The following PRKCE variants were observed in gnomAD, a reference collection of about 807,000 sequenced individuals.
PRKCE encodes protein kinase C epsilon, also known as protein kinase C epsilon type.
In PRKCE, 16 loss-of-function variants were observed where a neutral mutation model predicts 85.4. The observed-to-expected ratio is 0.19, with a 90% CI of 0.13 to 0.28. The LOEUF (loss-of-function observed/expected upper bound fraction) is 0.28. PRKCE is among the 10% of genes least tolerant of loss of function. The pLI is 1.00. For missense variants in PRKCE, 573 were observed against 975.2 expected (o/e 0.59, Z 5.49); for synonymous variants, 388 against 371.5 (o/e 1.04, Z -0.51).
intron 1 of PRKCE, among the ~76,000 whole-genome samples, chr2:45,669,541 C>G (rs905182109): frequency 2.6e-5 from 4 of 152,128 alleles, no homozygotes; most frequent in African/African-American, 4.8e-5. Context: ...ATAGAGAGGT[C>G]CTGGTGCTTG....
At chr2:45,883,644 G>T (rs538995986) in intron 2 of PRKCE, among the ~76,000 whole-genome samples, 2 of 152,330 alleles carry the variant, frequency 1.3e-5, no homozygotes, top group East Asian at 3.9e-4. Flanking sequence ...TCATGCCTGT[G>T]TGGAGAGTGA....
In PRKCE at chr2:46,186,237, A is replaced by G. The variant is rs1320305114; in HGVS notation, c.*1356A>G. On this transcript the variant is annotated 3_prime_UTR_variant, in exon 15 of 15. Transcript: ENST00000306156. ...GTATATGTTTCCCAGAGGTCATTTG[A>G]TTACCTAATTTACTGAACTGATTTA... 3 of 152,532 alleles carry G rather than the reference A, an allele frequency of 2.0e-5. No homozygotes were observed. The allele number at this position is 152,532 out of a possible 1,614,324, so 9.4% of individuals were successfully genotyped here. A position where few individuals can be genotyped will look rare whatever the true frequency, so the allele number is the denominator to read the frequency against.
At position 45,813,496 on chromosome 2, in the gene PRKCE, T is replaced by A. The variant is rs540047068; in HGVS notation, c.349-29504T>A. ...TGTAGTTTGTTATCCCCTTTCCTTC[T>A]GGCCACGTGCCCAGCTCCCTGGCAG... On this transcript the variant is annotated intron_variant, in intron 1 of 14. Transcript: ENST00000306156. Among the ~76,000 whole-genome samples the A allele has an allele frequency of 3.3e-5, 5 of 152,304 alleles. No individual in the cohort carries two copies. The East Asian group carries it at 9.6e-4, about 29-fold the overall frequency.
intron 1 of PRKCE, among the ~76,000 whole-genome samples, chr2:45,738,176 T>C (rs7594134): frequency 0.18 from 27,683 of 152,232 alleles, 4,913 homozygotes; most frequent in African/African-American, 0.47. Flanking sequence ...ACAGTTTTAA[T>C]TATGTTAATT....
At chr2:45,955,357 C>T (rs1366025091) in intron 2 of PRKCE, among the ~76,000 whole-genome samples, 1 of 152,054 alleles carries the variant, frequency 6.6e-6, no homozygotes, top group Non-Finnish European at 1.5e-5. Flanking sequence ...AGGAGACTGA[C>T]CTGGTTGGTG....
chr2:45,883,884 C>T (rs1695058074), intron 2 of PRKCE, among the ~76,000 whole-genome samples: 1 of 152,106 alleles, frequency 6.6e-6, no homozygotes, highest in East Asian at 1.9e-4. Flanking sequence ...GGGGAGAAGT[C>T]CTGGGAATCC....
chr2:45,810,418 A>AACTAATT (rs1558697467), intron 1 of PRKCE, among the ~76,000 whole-genome samples: 1 of 152,236 alleles, frequency 6.6e-6, no homozygotes, highest in African/African-American at 2.4e-5. Context: ...GATTTTATTT[A>AACTAATT]ACTAATTAAT....
At chr2:45,724,243 G>A (rs1427081307) in intron 1 of PRKCE, among the ~76,000 whole-genome samples, 4 of 152,120 alleles carry the variant, frequency 2.6e-5, no homozygotes, top group African/African-American at 9.7e-5. Context: ...AAACTTTTTG[G>A]TACAATTACG....
chr2:45,796,965 C>T (rs912435322), intron 1 of PRKCE, among the ~76,000 whole-genome samples: 1 of 152,120 alleles, frequency 6.6e-6, no homozygotes, highest in African/African-American at 2.4e-5. Flanking sequence ...GAGCTCAGAA[C>T]AGTTAAGACA....
At chr2:46,029,190 G>C (rs546766583) in intron 10 of PRKCE, among the ~76,000 whole-genome samples, 2 of 152,246 alleles carry the variant, frequency 1.3e-5, no homozygotes, top group African/African-American at 2.4e-5. Context: ...CTTTGCAATA[G>C]TCCTGAGAGG....
At position 45,996,703 on chromosome 2, in the gene PRKCE, G is replaced by A. The variant is rs181380711; in HGVS notation, c.824-4701G>A. ...GGGATAAATCCTACTTGGTCATGGT[G>A]TGTAATTCTCTTTATAAATTGTTGG... On this transcript the variant is annotated intron_variant, in intron 6 of 14. Transcript: ENST00000306156. Among the ~76,000 whole-genome samples, 41 of 152,198 alleles carry A rather than the reference G, an allele frequency of 2.7e-4. 1 individual carries two copies. Among genetic ancestry groups the A allele is most frequent in the Admixed American group, 1.3e-3 (20 of 15,296 alleles).
intron 10 of PRKCE, chr2:46,010,747 C>T (rs1055560049): frequency 1.9e-6 from 3 of 1,598,180 alleles, no homozygotes; most frequent in Non-Finnish European, 8.5e-7. Context: ...GAATTCTTTG[C>T]AGCCAGAGTT....
chr2:45,703,184 C>T (rs1031733858), intron 1 of PRKCE, among the ~76,000 whole-genome samples: 7 of 151,770 alleles, frequency 4.6e-5, no homozygotes, highest in Non-Finnish European at 1.0e-4. Flanking sequence ...GAGTTAGAGG[C>T]CACAGTGCTG....
intron 1 of PRKCE, among the ~76,000 whole-genome samples, chr2:45,657,006 G>C (rs1173360918): frequency 6.6e-6 from 1 of 151,408 alleles, no homozygotes; most frequent in East Asian, 1.9e-4. Flanking sequence ...TTTAGCACAG[G>C]GGTGGGAGGC....
intron 1 of PRKCE, chr2:45,675,409 G>A (rs529865358): frequency 1.3e-5 from 2 of 152,320 alleles, no homozygotes; most frequent in South Asian, 2.1e-4. Context: ...CTTGTGACCA[G>A]CTTTGGGGAG....
intron 10 of PRKCE, among the ~76,000 whole-genome samples, chr2:46,060,915 C>G (rs1470350842): frequency 6.6e-6 from 1 of 151,746 alleles, no homozygotes; most frequent in Non-Finnish European, 1.5e-5. Context: ...GCGCACGCCA[C>G]CACACCTGGC....
intron 6 of PRKCE, among the ~76,000 whole-genome samples, chr2:45,986,431 G>A (rs939815074): frequency 1.3e-5 from 2 of 152,196 alleles, no homozygotes; most frequent in African/African-American, 4.8e-5. Flanking sequence ...GGCGAGCGGG[G>A]ATGGGCCTTG....
intron 2 of PRKCE, among the ~76,000 whole-genome samples, chr2:45,966,180 G>A (rs1701715621): frequency 6.6e-6 from 1 of 152,150 alleles, no homozygotes; most frequent in Non-Finnish European, 1.5e-5. Flanking sequence ...TGTGCCAAAA[G>A]TAATGCCTTG....
chr2:45,719,235 C>A (rs1166815719), intron 1 of PRKCE, among the ~76,000 whole-genome samples: 3 of 152,348 alleles, frequency 2.0e-5, no homozygotes, highest in Middle Eastern at 6.8e-3. Flanking sequence ...CCTACCCCAG[C>A]CTCCGGCTTC....
Sources: allele counts gnomAD v4.1 joint callset (sites outside exome capture counted in the v4.1 genomes callset), GRCh38; gene constraint gnomAD v4.1.1; transcripts MANE v1.5; gene names NCBI Gene and HGNC (gene_info 2026-07-23, HGNC 2026-07-21).